Variants in DNMBP observed in about 807,000 individuals in gnomAD.
DNMBP encodes dynamin-binding protein.
A neutral mutation model predicts 150.0 loss-of-function variants in DNMBP; 87 were observed. That is an observed-to-expected ratio of 0.58 (90% confidence interval 0.49 to 0.69). DNMBP has a LOEUF of 0.69. DNMBP is among the 30% of genes least tolerant of loss of function. The pLI is 0.00. For missense variants in DNMBP, 1,774 were observed against 1,949.0 expected (o/e 0.91, Z 1.69); for synonymous variants, 711 against 750.4 (o/e 0.95, Z 0.86).
chr10:99,896,466 T>G (rs972180505), intron 9 of DNMBP, 69 bp from the exon 10 acceptor site: 19 of 1,506,256 alleles, frequency 1.3e-5, no homozygotes, highest in Non-Finnish European at 1.8e-5. Context: ...TAAAATGAGA[T>G]GAACACCCAA....
At position 99,982,223 on chromosome 10, in the gene DNMBP, T is replaced by C. The variant is rs181912159; in HGVS notation, c.-10-10089A>G. ...ACTTTGGGAGGCAGAGGAGGGTGGA[T>C]TGCTTGAGCCCAGGAGCTCGAGACC... On this transcript the variant is annotated intron_variant, in intron 1 of 16. Transcript: ENST00000324109. 8.4e-3 allele frequency among the ~76,000 whole-genome samples: 1,285 copies of C among 152,132 alleles called. 17 individuals are homozygous for C. Among genetic ancestry groups the C allele is most frequent in the Middle Eastern group, 0.044 (13 of 294 alleles).
Position 99,880,025 on chromosome 10 carries a change from C to A in DNMBP, c.4334G>T (p.Arg1445Met). The part of the protein sequence containing the change: ...PSDPDSTSQP[R>M]SGDSADVARD... ...AGCTACATCTGCAGAGTCCCCTGAC[C>A]TTGGCTGGGAGGTGGAGTCTGGGTC... The change falls in exon 16 of 17, where the codon AGG (arginine) becomes ATG (methionine). Residue 1445 changes from arginine to methionine, a missense_variant. Physicochemically the swap from Arg to Met is moderately conservative, Grantham distance 91. This residue lies in a region of DNMBP where 1,430 missense variants were observed against 1,492.5 expected (regional missense o/e 0.96). Coordinates refer to ENST00000324109, the MANE Select transcript of DNMBP (RefSeq NM_015221.4). 1.2e-6 allele frequency: 2 copies of A among 1,614,172 alleles called. No individual in the cohort carries two copies. Among genetic ancestry groups the A allele is most frequent in the East Asian group, 4.5e-5 (2 of 44,888 alleles).
chr10:99,885,923 C>A, intron 13 of DNMBP, 57 bp from the exon 14 acceptor site: 1 of 1,454,768 alleles, frequency 6.9e-7, no homozygotes, highest in Non-Finnish European at 9.2e-7. Flanking sequence ...ATAAAAGATC[C>A]CAGAGAAAAG....
intron 3 of DNMBP, among the ~76,000 whole-genome samples, chr10:99,964,773 AG>A (rs2040602542): frequency 6.6e-6 from 1 of 151,946 alleles, no homozygotes; most frequent in South Asian, 2.1e-4. Context: ...CGGGAGGCTA[AG>A]GCATGAATAT....
chr10:99,886,608 T>C lies in DNMBP; in HGVS notation c.3310A>G (p.Ile1104Val). ...CTCAGTAACTGATTTAAGGGGGAGA[T>C]GACAAGCCGCTCTGTCCTCTCCTTC... ...NFKERTERLVISPLNQLLSMF... is the reference protein window; with the variant it reads ...NFKERTERLVVSPLNQLLSMF... Residue 1104 changes from isoleucine (I) to valine (V), a missense_variant, in exon 13 of 17, where the codon ATC (isoleucine) becomes GTC (valine). Physicochemically the swap from Ile to Val is conservative, Grantham distance 29. Coordinates refer to ENST00000324109, the MANE Select transcript of DNMBP (RefSeq NM_015221.4). 2 of 1,613,682 alleles carry C rather than the reference T, an allele frequency of 1.2e-6. No individual in the cohort carries two copies. The highest frequency in any genetic ancestry group is 1.7e-6 in the Non-Finnish European group (2 of 1,179,804).
intron 1 of DNMBP, among the ~76,000 whole-genome samples, chr10:99,991,654 C>A (rs1432591822): frequency 6.6e-6 from 1 of 151,648 alleles, no homozygotes; most frequent in Admixed American, 6.6e-5. Flanking sequence ...ACAAAAGACC[C>A]CATATACTCT....
intron 3 of DNMBP, among the ~76,000 whole-genome samples, chr10:99,958,898 G>A (rs138842188): frequency 6.6e-6 from 1 of 152,312 alleles, no homozygotes; most frequent in Non-Finnish European, 1.5e-5. Context: ...CAATTAACTC[G>A]TAAGAAATTA....
chr10:99,891,145 T>C (rs1193879177), intron 11 of DNMBP, among the ~76,000 whole-genome samples: 2 of 151,782 alleles, frequency 1.3e-5, no homozygotes, highest in Non-Finnish European at 2.9e-5. Context: ...ATAAAAGTAC[T>C]AGAACTCCCT....
At chr10:99,914,028 C>A (rs1156927428) in intron 4 of DNMBP, 3 of 1,503,292 alleles carry the variant, frequency 2.0e-6, no homozygotes, top group African/African-American at 1.4e-5. Flanking sequence ...CTTCCCAGAG[C>A]TCTGGAATGC....
At chr10:100,005,786 C>CAAAAAAAAAAAAAAATAA (rs1589458237) in intron 1 of DNMBP, among the ~76,000 whole-genome samples, 1 of 101,084 alleles carries the variant, frequency 9.9e-6, no homozygotes, top group Non-Finnish European at 1.9e-5. Context: ...AAAAAAAAAC[C>CAAAAAAAAAAAAAAATAA]AAACTACATA....
intron 6 of DNMBP, among the ~76,000 whole-genome samples, 193 bp downstream of exon 6, chr10:99,907,802 T>G (rs1172864430): frequency 6.6e-6 from 1 of 152,222 alleles, no homozygotes; most frequent in African/African-American, 2.4e-5. Flanking sequence ...AAACTACTTC[T>G]ATTGCTAACA....
chr10:99,880,047 G>T lies in DNMBP; in HGVS notation c.4312C>A (p.Pro1438Thr), dbSNP rs1257919750. ...GACCTTGGCTGGGAGGTGGAGTCTG[G>T]GTCTGAAGGGCATCTGGAAGGACTA... ...ESSPSRCPSDPDSTSQPRSGD... is the reference protein window; with the variant it reads ...ESSPSRCPSDTDSTSQPRSGD... Residue 1438 changes from proline (P) to threonine (T), a missense_variant, in exon 16 of 17, where the codon CCA becomes ACA. By Grantham distance (38) the Pro-to-Thr change is conservative. Transcript: ENST00000324109. 6 of 1,614,144 alleles carry T rather than the reference G, an allele frequency of 3.7e-6. No individual in the cohort carries two copies. In the East Asian group the frequency reaches 1.3e-4, roughly 36 times the overall value.
intron 1 of DNMBP, among the ~76,000 whole-genome samples, chr10:99,977,189 A>C (rs1005296341): frequency 6.6e-6 from 1 of 152,210 alleles, no homozygotes; most frequent in Non-Finnish European, 1.5e-5. Flanking sequence ...ACACCCTAGA[A>C]GGGTACTGAA....
intron 6 of DNMBP, among the ~76,000 whole-genome samples, chr10:99,906,573 TGCTCTCTCTCATTCTGTCTCTC>T (rs1274818187): frequency 6.6e-6 from 1 of 152,200 alleles, no homozygotes; most frequent in East Asian, 1.9e-4. Flanking sequence ...TGCTCTTGCG[TGCTCTCTCTCATTCTGTCTCTC>T]GCTCTCTCTC....
chr10:99,968,286 A>G (rs2040640257), intron 3 of DNMBP, among the ~76,000 whole-genome samples: 1 of 152,178 alleles, frequency 6.6e-6, no homozygotes, highest in African/African-American at 2.4e-5. Context: ...CTGCTCTACT[A>G]TTATACATTA....
chr10:99,983,640 C>T (rs1012997909), intron 1 of DNMBP, among the ~76,000 whole-genome samples: 1 of 152,214 alleles, frequency 6.6e-6, no homozygotes, highest in Non-Finnish European at 1.5e-5. Context: ...TCCTACCCTG[C>T]GTGCCCCCAG....
At chr10:99,935,739 T>C (rs1166232903) in intron 4 of DNMBP, among the ~76,000 whole-genome samples, 2 of 152,158 alleles carry the variant, frequency 1.3e-5, no homozygotes, top group East Asian at 1.9e-4. Context: ...TAATTTTGTA[T>C]TCTTAGTAGA....
chr10:99,922,327 C>G (rs567112706), intron 4 of DNMBP, among the ~76,000 whole-genome samples: 1 of 152,092 alleles, frequency 6.6e-6, no homozygotes, highest in East Asian at 1.9e-4. Flanking sequence ...AGAAGATACC[C>G]TAGAAGAGTA....
chr10:99,890,474 G>A lies in DNMBP; in HGVS notation c.3157-1521C>T, dbSNP rs115366079. Among the ~76,000 whole-genome samples, 276 of 152,258 alleles carry A rather than the reference G, an allele frequency of 1.8e-3. 1 individual carries two copies. Among genetic ancestry groups the A allele is most frequent in the African/African-American group, 6.3e-3 (263 of 41,530 alleles). On this transcript the variant is annotated intron_variant, in intron 11 of 16. Coordinates refer to ENST00000324109, the MANE Select transcript of DNMBP (RefSeq NM_015221.4). ...ATATATCCCAACCCAAAATGTATCAGTCACTGCTATGGAGGTGAGCCTTTT... is the reference window on the plus strand; with the variant it reads ...ATATATCCCAACCCAAAATGTATCAATCACTGCTATGGAGGTGAGCCTTTT...
Sources: gnomAD v4.1 joint callset for allele counts (sites outside exome capture counted in the v4.1 genomes callset) on GRCh38, gnomAD v4.1.1 for gene constraint, gnomAD v4.1.1 regional missense constraint, MANE v1.5 for transcripts, NCBI Gene and HGNC (gene_info 2026-07-23, HGNC 2026-07-21) for gene names.